SORCS1: variants seen among roughly 807,000 people sequenced by gnomAD.
SORCS1 encodes sortilin related VPS10 domain containing receptor 1, also known as VPS10 domain-containing receptor SorCS1.
Under a neutral mutation model 146.1 loss-of-function variants are expected in SORCS1, and 60 were observed. That is an observed-to-expected ratio of 0.41 (90% CI 0.33 to 0.51). SORCS1 has a LOEUF of 0.51. Among genes scored for constraint, SORCS1 ranks in the 20% least tolerant of loss-of-function variants. The pLI is 0.21. For synonymous variants in SORCS1, 637 were observed against 584.0 expected, an observed-to-expected ratio of 1.09 and a Z score of -1.31; for missense variants, 1,352 against 1,487.6, an observed-to-expected ratio of 0.91 and a Z score of 1.50.
intron 5 of SORCS1, among the ~76,000 whole-genome samples, chr10:106,740,813 A>G (rs537104726): frequency 1.8e-4 from 28 of 152,248 alleles, no homozygotes; most frequent in Non-Finnish European, 3.8e-4. Flanking sequence ...TTCAGGAAAA[A>G]TAATGAAAAG....
At chr10:107,048,091 A>T (rs186960415) in intron 1 of SORCS1, among the ~76,000 whole-genome samples, 105 of 152,248 alleles carry the variant, frequency 6.9e-4, no homozygotes, top group African/African-American at 2.4e-3. Flanking sequence ...CTCCAACAAC[A>T]ACAAAAAGAC....
At chr10:106,958,563 A>G (rs181254657) in intron 1 of SORCS1, among the ~76,000 whole-genome samples, 3 of 151,990 alleles carry the variant, frequency 2.0e-5, no homozygotes, top group Non-Finnish European at 4.4e-5. Flanking sequence ...GAGTTCAAGG[A>G]AAAAAAAATT....
chr10:106,768,372 T>C (rs1859737176), intron 4 of SORCS1, among the ~76,000 whole-genome samples: 1 of 152,208 alleles, frequency 6.6e-6, no homozygotes, highest in South Asian at 2.1e-4. Flanking sequence ...TGGGGAAACA[T>C]GATGGCATTA....
chr10:106,924,446 A>G (rs1226212664), intron 2 of SORCS1, among the ~76,000 whole-genome samples: 1 of 150,922 alleles, frequency 6.6e-6, no homozygotes, highest in East Asian at 2.0e-4. Flanking sequence ...TTTTAATATT[A>G]TGAAAATTCC....
intron 16 of SORCS1, among the ~76,000 whole-genome samples, chr10:106,669,077 A>G (rs916062886): frequency 3.9e-5 from 6 of 152,148 alleles, no homozygotes; most frequent in African/African-American, 1.4e-4. Flanking sequence ...CCCACTTCTC[A>G]GAATGCATTT....
intron 1 of SORCS1, among the ~76,000 whole-genome samples, chr10:107,035,139 T>A (rs1003206924): frequency 1.3e-5 from 2 of 151,740 alleles, no homozygotes; most frequent in Non-Finnish European, 2.9e-5. Context: ...CTAGATTAGA[T>A]GGAATACACT....
intron 1 of SORCS1, among the ~76,000 whole-genome samples, chr10:107,138,437 C>T (rs1322057289): frequency 3.3e-5 from 5 of 152,172 alleles, no homozygotes; most frequent in Admixed American, 3.3e-4. Flanking sequence ...AGTTTTTCCC[C>T]TCCTATTTTT....
rs185257858 is a variant in SORCS1, at chr10:106,929,119, T to A, written c.626+27394A>T. Among the ~76,000 whole-genome samples the A allele has an allele frequency of 3.3e-5, 5 of 152,306 alleles. No individual in the cohort carries two copies. In the East Asian group the frequency reaches 7.7e-4, roughly 24 times the overall value. ...CTGTGTCACTTTATCTCCATGAATATGCTTCAGTAGTTAAGAACTGCTTCA... is the reference window on the plus strand; with the variant it reads ...CTGTGTCACTTTATCTCCATGAATAAGCTTCAGTAGTTAAGAACTGCTTCA... On this transcript the variant is annotated intron_variant, in intron 2 of 25. Coordinates refer to ENST00000263054, the MANE Select transcript of SORCS1 (RefSeq NM_052918.5).
intron 1 of SORCS1, among the ~76,000 whole-genome samples, chr10:106,970,533 G>C (rs1589820334): frequency 1.3e-5 from 2 of 151,752 alleles, no homozygotes; most frequent in South Asian, 4.2e-4. Flanking sequence ...GAGATGACAG[G>C]GTTTCGCCAT....
At chr10:106,782,670 T>C (rs1396767058) in intron 3 of SORCS1, among the ~76,000 whole-genome samples, 2 of 152,250 alleles carry the variant, frequency 1.3e-5, no homozygotes, top group Admixed American at 1.3e-4. Context: ...CTTATTTCAC[T>C]TGGGACTACT....
chr10:106,810,879 A>T (rs1947421863), intron 3 of SORCS1, among the ~76,000 whole-genome samples: 2 of 152,150 alleles, frequency 1.3e-5, no homozygotes, highest in African/African-American at 4.8e-5. Context: ...CTGTCTTTCT[A>T]GGAGAGAAAT....
At chr10:106,749,539 A>G (rs920298627) in intron 5 of SORCS1, among the ~76,000 whole-genome samples, 1 of 152,212 alleles carries the variant, frequency 6.6e-6, no homozygotes, top group Non-Finnish European at 1.5e-5. Context: ...CACTCCATTG[A>G]AACTAATTAA....
At chr10:107,111,145 C>T (rs1244038927) in intron 1 of SORCS1, among the ~76,000 whole-genome samples, 1 of 152,154 alleles carries the variant, frequency 6.6e-6, no homozygotes, top group Admixed American at 6.5e-5. Context: ...GCCATCAATG[C>T]AAGGCTACAG....
At chr10:107,138,669 C>T (rs1967543683) in intron 1 of SORCS1, among the ~76,000 whole-genome samples, 1 of 152,170 alleles carries the variant, frequency 6.6e-6, no homozygotes, top group Admixed American at 6.5e-5. Context: ...TAAAGATTTT[C>T]AAGGCAATTT....
At chr10:107,058,641 T>C in intron 1 of SORCS1, among the ~76,000 whole-genome samples, 1 of 152,198 alleles carries the variant, frequency 6.6e-6, no homozygotes, top group Non-Finnish European at 1.5e-5. Flanking sequence ...TCACCACTTT[T>C]ATGCTTCAGT....
intron 2 of SORCS1, among the ~76,000 whole-genome samples, chr10:106,908,748 CT>C (rs1452349036): frequency 6.6e-6 from 1 of 152,178 alleles, no homozygotes; most frequent in African/African-American, 2.4e-5. Context: ...GCAATGGAAA[CT>C]ACCCTACGTG....
At chr10:106,610,940 C>T (rs184058592) in intron 22 of SORCS1, among the ~76,000 whole-genome samples, 29 of 152,160 alleles carry the variant, frequency 1.9e-4, no homozygotes, top group Admixed American at 1.1e-3. Context: ...AATAGCTGGG[C>T]GTGGTGGCAA....
intron 2 of SORCS1, among the ~76,000 whole-genome samples, chr10:106,915,778 C>T (rs1006330361): frequency 1.3e-5 from 2 of 152,100 alleles, no homozygotes; most frequent in Non-Finnish European, 2.9e-5. Flanking sequence ...AATGTATTGC[C>T]CCCTTCCAGT....
At chr10:106,714,135 CAAAA>C (rs56275056) in intron 6 of SORCS1, among the ~76,000 whole-genome samples, 1 of 53,086 alleles carries the variant, frequency 1.9e-5, no homozygotes, top group African/African-American at 8.7e-5. Flanking sequence ...AACTCTGCCT[CAAAA>C]AAAAAAAAAA....
Sources: gnomAD v4.1 joint callset for allele counts (sites outside exome capture counted in the v4.1 genomes callset) on GRCh38, gnomAD v4.1.1 for gene constraint, MANE v1.5 for transcripts, NCBI Gene and HGNC (gene_info 2026-07-23, HGNC 2026-07-21) for gene names.